The following CA10 variants were observed in gnomAD, a reference collection of about 807,000 sequenced individuals.
The protein encoded by CA10 is carbonic anhydrase 10 (inactive).
A neutral mutation model predicts 44.2 loss-of-function variants in CA10; 14 were observed. The observed-to-expected ratio is 0.32, with a 90% CI of 0.21 to 0.50. The LOEUF (loss-of-function observed/expected upper bound fraction) is 0.50, where lower values mean the gene tolerates loss of function less well. Ranked by LOEUF, CA10 falls within the 20% of genes least tolerant of loss-of-function variation. The pLI, the probability that CA10 is intolerant of heterozygous loss-of-function variation, is 0.99. For missense variants in CA10, 350 were observed against 409.7 expected (o/e 0.85, Z 1.26); for synonymous variants, 159 against 141.6 (o/e 1.12, Z -0.87).
intron 3 of CA10, among the ~76,000 whole-genome samples, chr17:51,885,717 C>G (rs1980568703): frequency 6.6e-6 from 1 of 152,192 alleles, no homozygotes; most frequent in Non-Finnish European, 1.5e-5. Flanking sequence ...ACTGGGAGAT[C>G]TTTCAGACAG....
chr17:51,635,279 G>A (rs144954024), intron 7 of CA10, among the ~76,000 whole-genome samples: 2 of 152,186 alleles, frequency 1.3e-5, no homozygotes, highest in African/African-American at 4.8e-5. Flanking sequence ...TTGGGAGGTC[G>A]AGGCAAATGG....
intron 1 of CA10, among the ~76,000 whole-genome samples, chr17:52,114,052 C>T (rs1988840619): frequency 6.6e-6 from 1 of 152,172 alleles, no homozygotes; most frequent in Non-Finnish European, 1.5e-5. Flanking sequence ...AGTAGCCTCC[C>T]CAGAGTCAGT....
Position 52,020,169 on chromosome 17 carries a change from TA to T in CA10, c.136+52149del, listed in dbSNP as rs563727004. ...AAAATATCCTGTTTACCGCTGGTAA[TA>T]TTTTTTGCCTTAAATCTACATTACC... On this transcript the variant is annotated intron_variant, in intron 2 of 8. Coordinates refer to ENST00000451037, the MANE Select transcript of CA10 (RefSeq NM_020178.5). Among the ~76,000 whole-genome samples the T allele has an allele frequency of 9.0e-4, 137 of 152,158 alleles. 1 individual carries two copies. Among genetic ancestry groups the T allele is most frequent in the Middle Eastern group, 3.4e-3 (1 of 294 alleles).
intron 3 of CA10, chr17:51,762,822 A>G (rs2143640204): frequency 6.6e-6 from 1 of 152,282 alleles, no homozygotes; most frequent in South Asian, 2.1e-4. Flanking sequence ...CCACTGCAAA[A>G]TGAAACAAAT....
chr17:51,704,975 AAAAAGAAAAAGAAAAAAG>A lies in CA10; in HGVS notation c.465+42640_465+42657del, dbSNP rs1173630985. On this transcript the variant is annotated intron_variant, in intron 4 of 8. Transcript: ENST00000451037. ...CAGAGCGACTCTGTCTAAAAAAAAA[AAAAAGAAAAAGAAAAAAG>A]AAAAGAAAATCTATCACATCTTTTT... Among the ~76,000 whole-genome samples the A allele has an allele frequency of 2.3e-4, 35 of 151,938 alleles. No homozygotes were observed. The East Asian group carries it at 4.4e-3, about 19-fold the overall frequency.
intron 2 of CA10, among the ~76,000 whole-genome samples, chr17:51,984,405 C>G (rs1984758011): frequency 6.6e-6 from 1 of 151,664 alleles, no homozygotes; most frequent in Non-Finnish European, 1.5e-5. Context: ...ATTGAAAAGG[C>G]TGAAAGAGCT....
intron 1 of CA10, among the ~76,000 whole-genome samples, chr17:52,091,994 C>G (rs753950976): frequency 1.3e-5 from 2 of 152,196 alleles, no homozygotes; most frequent in African/African-American, 2.4e-5. Flanking sequence ...TAAATCACTA[C>G]ACAAACTTCT....
chr17:52,138,735 T>A (rs1380335280), intron 1 of CA10, among the ~76,000 whole-genome samples: 1 of 152,204 alleles, frequency 6.6e-6, no homozygotes, highest in East Asian at 1.9e-4. Flanking sequence ...GCAGGAGTCT[T>A]TTTTTAGAGC....
chr17:51,696,569 G>T (rs1259746381), intron 4 of CA10, among the ~76,000 whole-genome samples: 1 of 151,808 alleles, frequency 6.6e-6, no homozygotes, highest in Admixed American at 6.6e-5. Flanking sequence ...TGGATTTTTG[G>T]GTTGCCAATT....
At chr17:51,789,587 T>C (rs1360657715) in intron 3 of CA10, among the ~76,000 whole-genome samples, 1 of 152,170 alleles carries the variant, frequency 6.6e-6, no homozygotes, top group Non-Finnish European at 1.5e-5. Context: ...TGTGTGCTCA[T>C]GATACTCCCT....
intron 3 of CA10, among the ~76,000 whole-genome samples, chr17:51,797,938 G>C (rs1169132089): frequency 1.3e-5 from 2 of 151,632 alleles, no homozygotes; most frequent in African/African-American, 4.8e-5. Flanking sequence ...AGCATCTAGG[G>C]GCTACTGATC....
rs183121598 is a variant in CA10 at position 51,671,752 on chromosome 17, T to C, written c.466-18016A>G. 3.9e-4 allele frequency among the ~76,000 whole-genome samples: 59 copies of C among 152,298 alleles called. 1 individual carries two copies. Among genetic ancestry groups the C allele is most frequent in the Admixed American group, 3.9e-3 (59 of 15,300 alleles). On this transcript the variant is annotated intron_variant, in intron 4 of 8. Transcript: ENST00000451037. Reference sequence around the variant, plus strand: ...GTTTGTCTCTACCAGGAATGGCCATTGTTTTGGCTGTAATTTCTGTTAGTG... The same window carrying C: ...GTTTGTCTCTACCAGGAATGGCCATCGTTTTGGCTGTAATTTCTGTTAGTG...
intron 2 of CA10, among the ~76,000 whole-genome samples, chr17:52,018,908 C>T (rs1392400363): frequency 1.3e-5 from 2 of 151,922 alleles, no homozygotes; most frequent in African/African-American, 4.8e-5. Flanking sequence ...TGGTGCTGTC[C>T]CCATGATAAT....
rs144161293 is a variant in CA10 at position 51,961,842 on chromosome 17, G to A, written c.137-30710C>T. Among the ~76,000 whole-genome samples the A allele has an allele frequency of 2.4e-3, 360 of 152,168 alleles. 4 individuals carry two copies. The highest frequency in any genetic ancestry group is 7.8e-3 in the African/African-American group (325 of 41,538). ...GGTGCAGCGATGCCCTCTCTGCTCC[G>A]TGCCCAAGCAGATCTCCGGGCATTC... On this transcript the variant is annotated intron_variant, in intron 2 of 8. Transcript: ENST00000451037.
intron 2 of CA10, among the ~76,000 whole-genome samples, chr17:51,950,078 T>C (rs1567896898): frequency 6.6e-6 from 1 of 152,192 alleles, no homozygotes; most frequent in Non-Finnish European, 1.5e-5. Context: ...CTCATTCAGT[T>C]GTAGTCACAC....
chr17:51,734,104 A>G, intron 4 of CA10, among the ~76,000 whole-genome samples: 1 of 147,908 alleles, frequency 6.8e-6, no homozygotes, highest in Non-Finnish European at 1.5e-5. Context: ...TTTTCATCAA[A>G]TGTCTTAATT....
intron 2 of CA10, among the ~76,000 whole-genome samples, chr17:51,982,635 AT>A (rs1984689917): frequency 3.3e-5 from 5 of 151,848 alleles, no homozygotes; most frequent in Admixed American, 2.6e-4. Context: ...TCTATTTGGA[AT>A]GTTTTCTCTC....
chr17:52,029,972 G>A (rs774691215), intron 2 of CA10, among the ~76,000 whole-genome samples: 8 of 152,242 alleles, frequency 5.3e-5, no homozygotes, highest in Non-Finnish European at 8.8e-5. Flanking sequence ...GACTTTTTAC[G>A]TCAAGTGAGG....
intron 5 of CA10, among the ~76,000 whole-genome samples, chr17:51,652,263 G>C (rs949774778): frequency 6.6e-6 from 1 of 152,104 alleles, no homozygotes; most frequent in African/African-American, 2.4e-5. Context: ...TTCAACCTCT[G>C]AGTTTATTAC....
Sources: gnomAD v4.1 joint callset for allele counts (sites outside exome capture counted in the v4.1 genomes callset) on GRCh38, gnomAD v4.1.1 for gene constraint, MANE v1.5 for transcripts, NCBI Gene and HGNC (gene_info 2026-07-23, HGNC 2026-07-21) for gene names.